The following HELZ variants were observed in gnomAD, a reference collection of about 807,000 sequenced individuals.
HELZ encodes the protein helicase with zinc finger.
In HELZ, 23 loss-of-function variants were observed where a neutral mutation model predicts 218.2. The observed-to-expected ratio is 0.11, with a 90% CI of 0.08 to 0.15. HELZ has a LOEUF of 0.15. Ranked by LOEUF, HELZ falls within the 10% of genes least tolerant of loss-of-function variation. HELZ has a pLI of 1.00. For missense variants in HELZ, 1,813 were observed against 2,353.7 expected, an observed-to-expected ratio of 0.77 and a Z score of 4.75; for synonymous variants, 814 against 829.4, an observed-to-expected ratio of 0.98 and a Z score of 0.32.
At chr17:67,220,856 C>A (rs1232536302) in intron 3 of HELZ, among the ~76,000 whole-genome samples, 1 of 146,244 alleles carries the variant, frequency 6.8e-6, no homozygotes, top group Admixed American at 6.8e-5. Context: ...AACTCCCCCC[C>A]CCCCAAAAAA....
Position 67,188,862 on chromosome 17 carries a change from T to A in HELZ, c.865-246A>T, listed in dbSNP as rs2039825444. On this transcript the variant is annotated intron_variant, in intron 11 of 32. Transcript: ENST00000358691. This position sits in a 1 kb window ranked among gnomAD's most constrained non-coding sequence, Gnocchi z 4.1. ...GTTCATTTTTCACTGTGGCAAAAGCTATCACCCTATATAACCATCAACCTT... is the reference window on the plus strand; with the variant it reads ...GTTCATTTTTCACTGTGGCAAAAGCAATCACCCTATATAACCATCAACCTT... Among the ~76,000 whole-genome samples, 1 of 152,192 alleles carries A rather than the reference T, an allele frequency of 6.6e-6. No individual in the cohort carries two copies. The highest frequency in any genetic ancestry group is 2.4e-5 in the African/African-American group (1 of 41,456).
chr17:67,118,997 A>C (rs1474507648), intron 27 of HELZ, among the ~76,000 whole-genome samples: 1 of 152,184 alleles, frequency 6.6e-6, no homozygotes, highest in Non-Finnish European at 1.5e-5. Context: ...AATTTAAAAA[A>C]AGACTGAGCA....
At chr17:67,220,856 C>CCA (rs910559119) in intron 3 of HELZ, among the ~76,000 whole-genome samples, 10 of 146,244 alleles carry the variant, frequency 6.8e-5, no homozygotes, top group African/African-American at 2.5e-4. Flanking sequence ...AACTCCCCCC[C>CCA]CCCCAAAAAA....
At chr17:67,094,394 AG>A in intron 31 of HELZ, among the ~76,000 whole-genome samples, 1 of 150,770 alleles carries the variant, frequency 6.6e-6, no homozygotes, top group East Asian at 1.9e-4. Flanking sequence ...TTGGTGAGAG[AG>A]AGAGAGAGAG....
At chr17:67,217,719 GCT>G (rs1320213324) in intron 4 of HELZ, among the ~76,000 whole-genome samples, 2 of 152,102 alleles carry the variant, frequency 1.3e-5, no homozygotes, top group African/African-American at 4.8e-5. Flanking sequence ...TGCCTGCAAT[GCT>G]CTTCCTCCAG....
intron 3 of HELZ, among the ~76,000 whole-genome samples, chr17:67,235,432 G>A (rs1172786160): frequency 1.3e-5 from 2 of 151,828 alleles, no homozygotes; most frequent in Non-Finnish European, 2.9e-5. Flanking sequence ...TTGAACCAGG[G>A]AGGCGGAGGC....
intron 13 of HELZ, chr17:67,172,976 T>G (rs1475341970): frequency 1.3e-6 from 1 of 779,556 alleles, no homozygotes; most frequent in Non-Finnish European, 1.6e-6. Context: ...TGATCACAAT[T>G]TAGCAGGCAT....
chr17:67,175,458 T>C (rs2039428825), intron 13 of HELZ, among the ~76,000 whole-genome samples: 3 of 152,218 alleles, frequency 2.0e-5, no homozygotes, highest in Non-Finnish European at 2.9e-5. Context: ...TTAAAATGCA[T>C]ATAAATATTA....
At chr17:67,095,251 C>G (rs1469939808) in intron 31 of HELZ, among the ~76,000 whole-genome samples, 1 of 152,132 alleles carries the variant, frequency 6.6e-6, no homozygotes, top group East Asian at 1.9e-4. Flanking sequence ...AGAAATTTCT[C>G]ACTGGGCTCA....
chr17:67,167,421 G>A (rs1056042679), intron 14 of HELZ, 42 bp downstream of exon 14: 1 of 1,382,216 alleles, frequency 7.2e-7, no homozygotes, highest in Non-Finnish European at 1.0e-6. Context: ...CTGATAATGA[G>A]GCTACAGACC....
At chr17:67,134,544 A>T (rs934353589) in intron 23 of HELZ, among the ~76,000 whole-genome samples, 4 of 151,802 alleles carry the variant, frequency 2.6e-5, no homozygotes, top group African/African-American at 9.7e-5. Context: ...TAAAAAAGAA[A>T]TTTTTTTTTC....
At chr17:67,158,596 C>G (rs994063323) in intron 17 of HELZ, among the ~76,000 whole-genome samples, 3 of 152,092 alleles carry the variant, frequency 2.0e-5, no homozygotes, top group African/African-American at 7.2e-5. Context: ...TTACTTTATT[C>G]CATTTACTAA....
chr17:67,215,652 C>CA, intron 5 of HELZ: 1 of 490,558 alleles, frequency 2.0e-6, no homozygotes, highest in South Asian at 2.1e-5. Context: ...CGGCCTCACA[C>CA]AAACTTCAAA....
intron 5 of HELZ, among the ~76,000 whole-genome samples, chr17:67,204,783 A>T (rs2040254695): frequency 6.6e-6 from 1 of 152,154 alleles, no homozygotes; most frequent in African/African-American, 2.4e-5. Flanking sequence ...TCACTAGATA[A>T]TTCTGTTATC....
At chr17:67,179,010 T>C in intron 12 of HELZ, 84 bp from the exon 13 acceptor site, 1 of 878,682 alleles carries the variant, frequency 1.1e-6, no homozygotes, top group Non-Finnish European at 1.7e-6. Flanking sequence ...CTATATTACA[T>C]ATTTTTGTAT....
In HELZ at chr17:67,074,744, A is replaced by G. The variant is rs1046404894; in HGVS notation, c.*3508T>C. The G allele has an allele frequency of 1.3e-5, 2 of 152,160 alleles. No homozygotes were observed. Among genetic ancestry groups the G allele is most frequent in the Admixed American group, 1.3e-4 (2 of 15,278 alleles). 9.4% of individuals were successfully genotyped at this position (152,160 alleles called of 1,614,324 possible). ...GTCTTAGATGTTGCTATGTTTAATT[A>G]GGTAATGCTTATTCAGTGGGAATTC... On this transcript the variant is annotated 3_prime_UTR_variant, in exon 33 of 33. Coordinates refer to ENST00000358691, the MANE Select transcript of HELZ (RefSeq NM_014877.4).
intron 27 of HELZ, among the ~76,000 whole-genome samples, chr17:67,115,060 C>G (rs1304415843): frequency 1.3e-5 from 2 of 152,026 alleles, no homozygotes; most frequent in Non-Finnish European, 2.9e-5. Context: ...GTTCTTGTTC[C>G]AAAACATTCT....
intron 31 of HELZ, among the ~76,000 whole-genome samples, chr17:67,092,595 A>C (rs1219093492): frequency 1.3e-5 from 2 of 152,218 alleles, no homozygotes; most frequent in African/African-American, 4.8e-5. Flanking sequence ...TCAAGCACTA[A>C]AAAGTCCCCA....
At chr17:67,119,954 A>G (rs1398572079) in intron 27 of HELZ, 1 of 410,940 alleles carries the variant, frequency 2.4e-6, no homozygotes, top group African/African-American at 2.2e-5. Flanking sequence ...TCTTCTGGAG[A>G]GAGGATCCAT....
Sources: gnomAD v4.1 joint callset for allele counts (sites outside exome capture counted in the v4.1 genomes callset) on GRCh38, gnomAD v4.1.1 for gene constraint, Gnocchi (gnomAD v3.1) non-coding constraint, MANE v1.5 for transcripts, NCBI Gene and HGNC (gene_info 2026-07-23, HGNC 2026-07-21) for gene names.